SACM1L: variants seen among roughly 807,000 people sequenced by gnomAD.
SACM1L encodes the protein SAC1 like phosphatidylinositide phosphatase, also known as phosphatidylinositol-3-phosphatase SAC1.
SACM1L carries 32 observed loss-of-function variants against 89.5 expected under a neutral mutation model. The observed-to-expected ratio is 0.36, with a 90% CI of 0.27 to 0.48. The LOEUF (loss-of-function observed/expected upper bound fraction) is 0.48, where lower values mean the gene tolerates loss of function less well. Ranked by LOEUF, SACM1L falls within the 20% of genes least tolerant of loss-of-function variation. The probability of loss-of-function intolerance (pLI) is 0.99; values close to 1 mark genes in which losing one functional copy is unlikely to be tolerated. For missense variants in SACM1L, 543 were observed against 708.5 expected, an observed-to-expected ratio of 0.77 and a Z score of 2.65; for synonymous variants, 213 against 232.8, an observed-to-expected ratio of 0.92 and a Z score of 0.77.
intron 11 of SACM1L, among the ~76,000 whole-genome samples, chr3:45,730,275 C>T (rs1396242671): frequency 6.6e-6 from 1 of 150,482 alleles, no homozygotes; most frequent in Non-Finnish European, 1.5e-5. Flanking sequence ...CTCTGGAAGT[C>T]AGAGTCTCCT....
chr3:45,719,467 ATTATATG>A (rs776985829), intron 7 of SACM1L, 26 bp from the exon 8 acceptor site: 7 of 1,213,932 alleles, frequency 5.8e-6, no homozygotes, highest in African/African-American at 1.5e-5. Context: ...TATGATTTCT[ATTATATG>A]TTATATTTTT....
intron 1 of SACM1L, among the ~76,000 whole-genome samples, chr3:45,701,744 C>T (rs1200429679): frequency 6.6e-6 from 1 of 152,176 alleles, no homozygotes; most frequent in Non-Finnish European, 1.5e-5. Flanking sequence ...CACCCTGAAA[C>T]GTTTCCTCGT....
At chr3:45,723,261 A>G (rs1441117352) in intron 10 of SACM1L, among the ~76,000 whole-genome samples, 1 of 152,140 alleles carries the variant, frequency 6.6e-6, no homozygotes, top group African/African-American at 2.4e-5. Flanking sequence ...ACTCAGAATT[A>G]AAGTGGTAGT....
intron 2 of SACM1L, 114 bp from the exon 3 acceptor site, chr3:45,705,021 G>A: frequency 1.5e-6 from 1 of 652,448 alleles, no homozygotes; most frequent in South Asian, 1.9e-5. Context: ...GCTTTTCTTA[G>A]AACAAATCAT....
At chr3:45,717,908 CCT>C (rs1301925000) in intron 7 of SACM1L, among the ~76,000 whole-genome samples, 2 of 152,118 alleles carry the variant, frequency 1.3e-5, no homozygotes, top group South Asian at 4.1e-4. Context: ...AAAGCAAGAG[CCT>C]CTCTCTCAAA....
At chr3:45,722,991 AT>A in intron 10 of SACM1L, 36 bp downstream of exon 10, 1 of 1,455,192 alleles carries the variant, frequency 6.9e-7, no homozygotes, top group Non-Finnish European at 9.6e-7. Context: ...TTGGTTAAAA[AT>A]AGAAGCTTAA....
At chr3:45,690,895 G>A (rs185158545) in intron 1 of SACM1L, among the ~76,000 whole-genome samples, 18 of 151,588 alleles carry the variant, frequency 1.2e-4, no homozygotes, top group Admixed American at 2.6e-4. Flanking sequence ...GCACTGAAGG[G>A]TTTAATGTGA....
At chr3:45,697,918 A>G (rs1425847115) in intron 1 of SACM1L, among the ~76,000 whole-genome samples, 1 of 152,242 alleles carries the variant, frequency 6.6e-6, no homozygotes, top group Non-Finnish European at 1.5e-5. Context: ...TAATGACCAA[A>G]TAATCTTCTT....
chr3:45,737,131 G>A (rs6807438), intron 14 of SACM1L: 100,873 of 160,980 alleles, frequency 0.63, 32,143 homozygotes, highest in Non-Finnish European at 0.65. Flanking sequence ...TAGATTAGGT[G>A]GCACTCATCA....
intron 16 of SACM1L, among the ~76,000 whole-genome samples, 194 bp downstream of exon 16, chr3:45,738,038 G>C (rs1023643222): frequency 2.0e-4 from 31 of 152,250 alleles, no homozygotes; most frequent in Admixed American, 2.0e-3. Context: ...TAGCCACCCT[G>C]GGAGATTCTG....
intron 1 of SACM1L, among the ~76,000 whole-genome samples, chr3:45,691,054 C>T (rs1179335485): frequency 1.3e-5 from 2 of 152,138 alleles, no homozygotes; most frequent in Admixed American, 1.3e-4. Context: ...CAGTTCAGAC[C>T]TTAAAACAAA....
intron 8 of SACM1L, among the ~76,000 whole-genome samples, chr3:45,719,814 T>A (rs865861564): frequency 4.6e-5 from 7 of 152,248 alleles, no homozygotes; most frequent in African/African-American, 1.7e-4. Context: ...TGTAGGCTGC[T>A]GCTTACTGCT....
At chr3:45,706,931 A>G (rs1357286271) in intron 4 of SACM1L, 24 bp downstream of exon 4, 1 of 1,610,798 alleles carries the variant, frequency 6.2e-7, no homozygotes, top group Non-Finnish European at 8.5e-7. Flanking sequence ...ATTGTTACTA[A>G]TTGCAGCGCC....
chr3:45,717,025 G>A (rs1486214759), intron 7 of SACM1L, among the ~76,000 whole-genome samples: 1 of 152,116 alleles, frequency 6.6e-6, no homozygotes, highest in Admixed American at 6.5e-5. Flanking sequence ...TTGTGCCCTG[G>A]CTCGAAATAG....
intron 13 of SACM1L, among the ~76,000 whole-genome samples, chr3:45,733,005 G>A (rs1267624006): frequency 6.6e-6 from 1 of 152,098 alleles, no homozygotes; most frequent in Admixed American, 6.5e-5. Context: ...CTTTTTTTCT[G>A]TGACGTTTTG....
chr3:45,740,307 CTT>C (rs1196391422), intron 19 of SACM1L, among the ~76,000 whole-genome samples: 2 of 152,160 alleles, frequency 1.3e-5, no homozygotes, highest in Non-Finnish European at 2.9e-5. Flanking sequence ...CTAGTCTTGT[CTT>C]TGTCCCATAC....
chr3:45,698,705 C>T (rs2125682609), intron 1 of SACM1L, among the ~76,000 whole-genome samples: 1 of 152,282 alleles, frequency 6.6e-6, no homozygotes, highest in South Asian at 2.1e-4. Flanking sequence ...CGCCTGCCAC[C>T]ATGCCTGGCT....
chr3:45,695,194 A>G (rs1240072682), intron 1 of SACM1L, among the ~76,000 whole-genome samples: 1 of 152,068 alleles, frequency 6.6e-6, no homozygotes, highest in African/African-American at 2.4e-5. Context: ...CACCAAACCT[A>G]GTAAAGTGTT....
At position 45,714,089 on chromosome 3, in the gene SACM1L, CATG is replaced by C; in HGVS notation, c.577+13_577+15del. 1 of 1,521,786 alleles carries C rather than the reference CATG, an allele frequency of 6.6e-7. No homozygotes were observed. Among genetic ancestry groups the C allele is most frequent in the Non-Finnish European group, 8.9e-7 (1 of 1,118,904 alleles). 94.3% of individuals were successfully genotyped at this position (1,521,786 alleles called of 1,614,324 possible). A position where few individuals can be genotyped will look rare whatever the true frequency, so the allele number is the denominator to read the frequency against. Reference sequence around the variant, plus strand: ...CCAGTGTTACATGGCTGTATCCTTACATGATATTACTCTTTAGTTTCTAGATGC... The same window carrying C: ...CCAGTGTTACATGGCTGTATCCTTACATATTACTCTTTAGTTTCTAGATGC... On this transcript the variant is annotated intron_variant, in intron 7 of 19. Transcript: ENST00000389061.
Sources: gnomAD v4.1 joint callset for allele counts (sites outside exome capture counted in the v4.1 genomes callset) on GRCh38, gnomAD v4.1.1 for gene constraint, MANE v1.5 for transcripts, NCBI Gene and HGNC (gene_info 2026-07-23, HGNC 2026-07-21) for gene names.